WWOX: variants seen among roughly 807,000 people sequenced by gnomAD.
The protein encoded by WWOX is WW domain-containing oxidoreductase.
Under a neutral mutation model 46.2 loss-of-function variants are expected in WWOX, and 69 were observed. The observed-to-expected ratio is 1.49, with a 90% CI of 1.23 to 1.82. The LOEUF (loss-of-function observed/expected upper bound fraction) is 1.82. WWOX is among the 40% of genes most tolerant of loss of function. The pLI is 0.00. For synonymous variants in WWOX, 359 were observed against 202.6 expected, an observed-to-expected ratio of 1.77 and a Z score of -6.56; for missense variants, 919 against 542.6, an observed-to-expected ratio of 1.69 and a Z score of -6.89.
At chr16:78,478,575 G>A (rs2084409528) in intron 8 of WWOX, among the ~76,000 whole-genome samples, 1 of 143,608 alleles carries the variant, frequency 7.0e-6, no homozygotes, top group African/African-American at 2.7e-5. Flanking sequence ...CCTTGCTGTT[G>A]CACCCCCCAC....
intron 8 of WWOX, among the ~76,000 whole-genome samples, chr16:79,153,777 G>A (rs1352515636): frequency 1.3e-5 from 2 of 152,134 alleles, no homozygotes; most frequent in East Asian, 3.9e-4. Flanking sequence ...TGTTGTTGTT[G>A]TTTAGCTGTT....
intron 6 of WWOX, among the ~76,000 whole-genome samples, chr16:78,403,637 A>G (rs940188257): frequency 3.3e-5 from 5 of 152,204 alleles, no homozygotes; most frequent in Admixed American, 2.0e-4. Context: ...TAGAAGCACT[A>G]TTGACAAATA....
chr16:78,522,627 G>A (rs942830220), intron 8 of WWOX, among the ~76,000 whole-genome samples: 2 of 152,226 alleles, frequency 1.3e-5, no homozygotes, highest in African/African-American at 4.8e-5. Flanking sequence ...AGCCGCAAGA[G>A]GAAATGGTAT....
chr16:78,606,674 C>T (rs970572135), intron 8 of WWOX, among the ~76,000 whole-genome samples: 1 of 150,408 alleles, frequency 6.6e-6, no homozygotes, highest in Admixed American at 6.6e-5. Flanking sequence ...AATGTGAAGC[C>T]AGCCCGATTA....
At chr16:78,428,215 T>C (rs74030224) in intron 7 of WWOX, among the ~76,000 whole-genome samples, 1,766 of 152,338 alleles carry the variant, frequency 0.012, 28 homozygotes, top group African/African-American at 0.04. Context: ...AAAATTCTAT[T>C]AAGACATAAT....
In WWOX at chr16:78,345,458, C is replaced by CACAA. The variant is rs1475313034; in HGVS notation, c.517-41401_517-41400insCAAA. Among the ~76,000 whole-genome samples, 18 of 26,778 alleles carry CACAA rather than the reference C, an allele frequency of 6.7e-4. 1 individual carries two copies. Among genetic ancestry groups the CACAA allele is most frequent in the African/African-American group, 1.4e-3 (17 of 11,860 alleles). 17.6% of individuals were successfully genotyped at this position (26,778 alleles called of 152,430 possible). A position where few individuals can be genotyped will look rare whatever the true frequency, so the allele number is the denominator to read the frequency against. ...CACCATGGCAAAACCCCATCGCTAC[C>CACAA]AAAAAAAAAAAAAAAAAAAAAAAAA... is the stretch of plus-strand genomic sequence containing the variant. On this transcript the variant is annotated intron_variant, in intron 5 of 8. Transcript: ENST00000566780.
chr16:79,090,989 T>C (rs1360071904), intron 8 of WWOX, among the ~76,000 whole-genome samples: 1 of 152,126 alleles, frequency 6.6e-6, no homozygotes, highest in African/African-American at 2.4e-5. Flanking sequence ...GTAGATACCA[T>C]GTTGGCCAGC....
At chr16:78,636,378 C>T (rs1243599510) in intron 8 of WWOX, among the ~76,000 whole-genome samples, 1 of 152,122 alleles carries the variant, frequency 6.6e-6, no homozygotes, top group Non-Finnish European at 1.5e-5. Flanking sequence ...TATATTTAAT[C>T]ATCAGACTTT....
chr16:78,638,594 C>T (rs1206526362), intron 8 of WWOX, among the ~76,000 whole-genome samples: 2 of 152,168 alleles, frequency 1.3e-5, no homozygotes, highest in Non-Finnish European at 2.9e-5. Context: ...GATAGCAGTG[C>T]CACTTGACAC....
At chr16:78,893,970 G>A (rs1286919718) in intron 8 of WWOX, among the ~76,000 whole-genome samples, 2 of 151,642 alleles carry the variant, frequency 1.3e-5, no homozygotes, top group Non-Finnish European at 1.5e-5. Flanking sequence ...TGATGTATTT[G>A]AGTACCAGGT....
intron 8 of WWOX, among the ~76,000 whole-genome samples, chr16:78,712,129 G>A (rs1272802076): frequency 2.6e-5 from 4 of 152,198 alleles, no homozygotes. Context: ...AAAATGCTCT[G>A]ACCAATAAGC....
intron 8 of WWOX, among the ~76,000 whole-genome samples, chr16:79,181,196 C>A (rs192812289): frequency 1.3e-5 from 2 of 152,120 alleles, no homozygotes; most frequent in African/African-American, 2.4e-5. Context: ...GACTTAATAG[C>A]GTAATATTTT....
intron 8 of WWOX, among the ~76,000 whole-genome samples, chr16:78,597,406 A>G (rs1337487932): frequency 6.6e-6 from 1 of 152,192 alleles, no homozygotes; most frequent in African/African-American, 2.4e-5. Flanking sequence ...ATCATTTTGT[A>G]GGCAGTGAGT....
intron 4 of WWOX, among the ~76,000 whole-genome samples, chr16:78,127,055 G>T (rs902813729): frequency 6.6e-6 from 1 of 152,178 alleles, no homozygotes; most frequent in Non-Finnish European, 1.5e-5. Context: ...AAAGATGTAG[G>T]AGAGGAACAC....
At chr16:79,089,175 C>T (rs1333029861) in intron 8 of WWOX, among the ~76,000 whole-genome samples, 1 of 152,184 alleles carries the variant, frequency 6.6e-6, no homozygotes, top group Non-Finnish European at 1.5e-5. Context: ...TTTATAGCTG[C>T]ATAACTGGTT....
At chr16:78,578,838 A>C (rs2044973654) in intron 8 of WWOX, among the ~76,000 whole-genome samples, 1 of 152,182 alleles carries the variant, frequency 6.6e-6, no homozygotes, top group African/African-American at 2.4e-5. Flanking sequence ...CATGTGTTAC[A>C]TGCTACAGAA....
chr16:78,175,564 C>T (rs2035316218), intron 5 of WWOX, among the ~76,000 whole-genome samples: 1 of 152,122 alleles, frequency 6.6e-6, no homozygotes, highest in South Asian at 2.1e-4. Context: ...TCAAGCAGAC[C>T]TGAGGTGAGG....
chr16:79,169,111 C>T lies in WWOX; in HGVS notation c.1057-42497C>T, dbSNP rs1294904392. Among the ~76,000 whole-genome samples, 3 of 152,200 alleles carry T rather than the reference C, an allele frequency of 2.0e-5. No homozygotes were observed. In the South Asian group the frequency reaches 6.2e-4, roughly 31 times the overall value. ...CATGATCCCACTTAATCCTCCACTT[C>T]ACAATTCTGAAAAGTCAACAAATTT... On this transcript the variant is annotated intron_variant, in intron 8 of 8. Coordinates refer to ENST00000566780, the MANE Select transcript of WWOX (RefSeq NM_016373.4).
chr16:78,368,090 T>C (rs975458388), intron 5 of WWOX, among the ~76,000 whole-genome samples: 9 of 152,176 alleles, frequency 5.9e-5, no homozygotes, highest in African/African-American at 1.9e-4. Context: ...TTTGAGCAGA[T>C]TTCGCTGCTT....
Sources: allele counts gnomAD v4.1 joint callset (sites outside exome capture counted in the v4.1 genomes callset), GRCh38; gene constraint gnomAD v4.1.1; transcripts MANE v1.5; gene names NCBI Gene and HGNC (gene_info 2026-07-23, HGNC 2026-07-21).